Variants in PTPN14 observed in about 807,000 individuals in gnomAD.
PTPN14 encodes tyrosine-protein phosphatase non-receptor type 14.
Under a neutral mutation model 126.8 loss-of-function variants are expected in PTPN14, and 53 were observed. The observed-to-expected ratio is 0.42, with a 90% CI of 0.34 to 0.53. PTPN14 has a LOEUF of 0.53. PTPN14 is among the 20% of genes least tolerant of loss of function. PTPN14 has a pLI of 0.08. For synonymous variants in PTPN14, 630 were observed against 599.3 expected (o/e 1.05, Z -0.75); for missense variants, 1,257 against 1,552.9 (o/e 0.81, Z 3.20).
rs1247597082 is a variant in PTPN14 at position 214,383,240 on chromosome 1, C to A, written c.2544+71G>T. The stretch of plus-strand genomic sequence containing the variant: ...ACCTACCACGTTCCCTGCATAAGCC[C>A]TGCCCCTTGCTCAGTGCCTGAAGCA... On this transcript the variant is annotated intron_variant, in intron 13 of 18. Coordinates refer to ENST00000366956, the MANE Select transcript of PTPN14 (RefSeq NM_005401.5). This position sits in a 1 kb window ranked among gnomAD's most constrained non-coding sequence, Gnocchi z 4.4. 1.0e-5 allele frequency: 16 copies of A among 1,530,070 alleles called. No individual in the cohort carries two copies. The highest frequency in any genetic ancestry group is 3.5e-6 in the Non-Finnish European group (4 of 1,126,872). The allele number at this position is 1,530,070 out of a possible 1,614,324, so 94.8% of individuals were successfully genotyped here. A position where few individuals can be genotyped will look rare whatever the true frequency, so the allele number is the denominator to read the frequency against.
intron 3 of PTPN14, among the ~76,000 whole-genome samples, chr1:214,427,539 A>C (rs1367462229): frequency 6.6e-6 from 1 of 152,178 alleles, no homozygotes; most frequent in Non-Finnish European, 1.5e-5. Flanking sequence ...ATTTGACAAA[A>C]GCTTAATGAG....
intron 16 of PTPN14, among the ~76,000 whole-genome samples, chr1:214,371,609 G>A (rs1328582637): frequency 2.6e-5 from 4 of 152,148 alleles, no homozygotes; most frequent in East Asian, 1.9e-4. Flanking sequence ...TGCCTGTCTC[G>A]TTTACCGTGT....
chr1:214,477,087 G>A (rs1048341014), intron 1 of PTPN14, among the ~76,000 whole-genome samples: 7 of 152,186 alleles, frequency 4.6e-5, no homozygotes, highest in Non-Finnish European at 1.5e-5. Context: ...ACTGGAAACC[G>A]CAACAGGGTG....
At chr1:214,496,477 C>A (rs1654516309) in intron 1 of PTPN14, among the ~76,000 whole-genome samples, 1 of 152,200 alleles carries the variant, frequency 6.6e-6, no homozygotes, top group Non-Finnish European at 1.5e-5. Flanking sequence ...AAATGAGTTA[C>A]TAGTACCTGC....
chr1:214,383,314 G>A lies in PTPN14; in HGVS notation c.2541C>T (p.Ile847=), dbSNP rs778698442. 2.5e-6 allele frequency: 4 copies of A among 1,608,964 alleles called. No homozygotes were observed. The African/African-American group carries it at 5.3e-5, about 22-fold the overall frequency. ...EDSIIEREMM[I]RNLEKQKMAG... is the part of the protein sequence containing the mutation. ...CCTGGGAGAGGAGGACACTCACCCTGATCATCATCTCTCTCTCTATAATGC... is the reference window on the plus strand; with the variant it reads ...CCTGGGAGAGGAGGACACTCACCCTAATCATCATCTCTCTCTCTATAATGC... Residue 847 remains isoleucine, a synonymous_variant, in exon 13 of 19, where the codon ATC becomes ATT. Transcript: ENST00000366956. This position sits in a 1 kb window ranked among gnomAD's most constrained non-coding sequence, Gnocchi z 4.4.
At position 214,414,790 on chromosome 1, in the gene PTPN14, C is replaced by G. The variant is rs1473059532; in HGVS notation, c.345-64G>C. 7 of 1,285,792 alleles carry G rather than the reference C, an allele frequency of 5.4e-6. No individual in the cohort carries two copies. In the African/African-American group the frequency reaches 1.0e-4, roughly 19 times the overall value. 79.6% of individuals were successfully genotyped at this position (1,285,792 alleles called of 1,614,324 possible). A position where few individuals can be genotyped will look rare whatever the true frequency, so the allele number is the denominator to read the frequency against. ...ACATACTTGGAATATATTCCCACAA[C>G]ACAGATGCCTCTAGATGTAAAACCT... On this transcript the variant is annotated intron_variant, in intron 3 of 18. Coordinates refer to ENST00000366956, the MANE Select transcript of PTPN14 (RefSeq NM_005401.5).
chr1:214,446,447 C>A (rs1660143840), intron 3 of PTPN14, among the ~76,000 whole-genome samples: 1 of 152,162 alleles, frequency 6.6e-6, no homozygotes, highest in African/African-American at 2.4e-5. Flanking sequence ...CCATATCTAG[C>A]AGATGAGACA....
In PTPN14 at chr1:214,466,100, G is replaced by A. The variant is rs1421682081; in HGVS notation, c.-154-1143C>T. ...GCTTCCCAAGTAGCTGGGATTACAG[G>A]CACCCGCCACCACACCTGGCTATTT... is the stretch of plus-strand genomic sequence containing the variant. On this transcript the variant is annotated intron_variant, in intron 1 of 18. Coordinates refer to ENST00000366956, the MANE Select transcript of PTPN14 (RefSeq NM_005401.5). 2.0e-5 allele frequency among the ~76,000 whole-genome samples: 3 copies of A among 150,996 alleles called. No homozygotes were observed. The East Asian group carries it at 5.8e-4, about 29-fold the overall frequency.
At chr1:214,388,214 G>A (rs1003149766) in intron 11 of PTPN14, among the ~76,000 whole-genome samples, 3 of 151,998 alleles carry the variant, frequency 2.0e-5, no homozygotes, top group Admixed American at 2.0e-4. Context: ...AACCTCAGTC[G>A]GTCTCAGTTT....
chr1:214,505,451 C>T (rs916884996), intron 1 of PTPN14, among the ~76,000 whole-genome samples: 10 of 152,002 alleles, frequency 6.6e-5, no homozygotes, highest in Non-Finnish European at 1.0e-4. Flanking sequence ...CTGGTCCCTT[C>T]GGGGGGGTGG....
chr1:214,407,560 A>C (rs975605458), intron 5 of PTPN14, among the ~76,000 whole-genome samples: 18 of 152,066 alleles, frequency 1.2e-4, no homozygotes, highest in African/African-American at 4.1e-4. Flanking sequence ...ATATTCCCTA[A>C]CCATTAAGAC....
chr1:214,460,817 G>A (rs1379791975), intron 2 of PTPN14, among the ~76,000 whole-genome samples: 1 of 152,150 alleles, frequency 6.6e-6, no homozygotes, highest in East Asian at 1.9e-4. Context: ...AGCTTTCCCA[G>A]AGCATGACTG....
At chr1:214,480,920 G>A (rs74142714) in intron 1 of PTPN14, among the ~76,000 whole-genome samples, 2,314 of 152,214 alleles carry the variant, frequency 0.015, 61 homozygotes, top group African/African-American at 0.053. Flanking sequence ...CAGCAGATAT[G>A]CTGGGCGGCT....
chr1:214,523,483 G>A (rs1041842322), intron 1 of PTPN14, among the ~76,000 whole-genome samples: 1 of 152,188 alleles, frequency 6.6e-6, no homozygotes, highest in Non-Finnish European at 1.5e-5. Flanking sequence ...ATACAGGTCT[G>A]TAGCCTAGGA....
intron 6 of PTPN14, among the ~76,000 whole-genome samples, chr1:214,402,546 T>C (rs1436027561): frequency 6.6e-6 from 1 of 151,138 alleles, no homozygotes; most frequent in Non-Finnish European, 1.5e-5. Context: ...TCTCTTTTTC[T>C]TTCCTTCACC....
intron 8 of PTPN14, 126 bp downstream of exon 8, chr1:214,397,787 A>C: frequency 1.4e-6 from 1 of 728,704 alleles, no homozygotes; most frequent in South Asian, 1.9e-5. Context: ...CTCACCTTAT[A>C]TGAGCTGAGA....
intron 18 of PTPN14, among the ~76,000 whole-genome samples, chr1:214,360,967 C>T (rs989780860): frequency 6.6e-6 from 1 of 152,130 alleles, no homozygotes; most frequent in African/African-American, 2.4e-5. Flanking sequence ...GTTGCACTTC[C>T]CCCTTTGCTC....
intron 3 of PTPN14, among the ~76,000 whole-genome samples, chr1:214,439,942 C>T (rs868066624): frequency 2.0e-5 from 3 of 152,194 alleles, no homozygotes; most frequent in South Asian, 2.1e-4. Context: ...TTCCCTCTAC[C>T]CTTTGTTTCT....
intron 8 of PTPN14, 44 bp from the exon 9 acceptor site, chr1:214,395,030 G>A: frequency 6.6e-7 from 1 of 1,524,312 alleles, no homozygotes; most frequent in Non-Finnish European, 9.1e-7. Flanking sequence ...CAATGTTCCA[G>A]GCATTTATGA....
Sources: gnomAD v4.1 joint callset for allele counts (sites outside exome capture counted in the v4.1 genomes callset) on GRCh38, gnomAD v4.1.1 for gene constraint, Gnocchi (gnomAD v3.1) non-coding constraint, MANE v1.5 for transcripts, NCBI Gene and HGNC (gene_info 2026-07-23, HGNC 2026-07-21) for gene names.